OR1J4: variants seen among roughly 807,000 people sequenced by gnomAD.
OR1J4 encodes the protein olfactory receptor 1J4.
For synonymous variants in OR1J4, 154 were observed against 152.6 expected (o/e 1.01, Z -0.07); for missense variants, 350 against 371.1 (o/e 0.94, Z 0.47).
chr9:122,520,055 C>G lies in OR1J4; in HGVS notation c.915C>G (p.Phe305Leu). 6.2e-7 allele frequency: 1 copy of G among 1,613,020 alleles called. No homozygotes were observed. The highest frequency in any genetic ancestry group is 1.1e-5 in the South Asian group (1 of 91,042). Reference sequence around the variant, plus strand: ...TAAAGGGAGCCCTGGAGAGACTCTTCAACAGGGCAACAGTCTTATCTCAAT... The same window carrying G: ...TAAAGGGAGCCCTGGAGAGACTCTTGAACAGGGCAACAGTCTTATCTCAAT... Reference protein sequence around the residue: ...RDIKGALERLFNRATVLSQ With the variant: ...RDIKGALERLLNRATVLSQ The change falls in exon 1 of 1, where the codon TTC (phenylalanine) becomes TTG (leucine). Residue 305 changes from phenylalanine to leucine, a missense_variant. Phe to Leu is a conservative substitution (Grantham distance 22). Coordinates refer to ENST00000340750, the MANE Select transcript of OR1J4 (RefSeq NM_001004452.1).
rs951966054 is a variant in OR1J4, at chr9:122,519,996, A to G, written c.856A>G (p.Asn286Asp). The G allele has an allele frequency of 1.1e-5, 18 of 1,614,052 alleles. No individual in the cohort carries two copies. The African/African-American group carries it at 2.3e-4, about 20-fold the overall frequency. Residue 286 changes from asparagine (N) to aspartate (D), a missense_variant, in exon 1 of 1, where the codon AAT becomes GAT. Physicochemically the swap from Asn to Asp is conservative, Grantham distance 23. Transcript: ENST00000340750. ...VMYTVITPLL[N>D]PFIYSLRNRD... is the part of the protein sequence containing the mutation. ...GTACACGGTGATCACCCCATTGCTG[A>G]ATCCCTTCATTTATAGCCTAAGGAA...
chr9:122,519,251 C>G lies in OR1J4; in HGVS notation c.111C>G (p.Ile37Met). ...CCCTGTTCTTGGGCATGTACCTGAT[C>G]ACGGTGCTGGGGAACCTGCTCATCA... ...FFTLFLGMYL[I>M]TVLGNLLIIL... Residue 37 changes from isoleucine to methionine, a missense_variant, in exon 1 of 1, where the codon ATC becomes ATG. Physicochemically the swap from Ile to Met is conservative, Grantham distance 10. Coordinates refer to ENST00000340750, the MANE Select transcript of OR1J4 (RefSeq NM_001004452.1). 6.2e-7 allele frequency: 1 copy of G among 1,614,056 alleles called. No homozygotes were observed. The highest frequency in any genetic ancestry group is 8.5e-7 in the Non-Finnish European group (1 of 1,180,022).
Position 122,519,791 on chromosome 9 carries a change from T to C in OR1J4, c.651T>C (p.Ser217=), listed in dbSNP as rs772774648. ...TACCACTAATATGCATCTTGATCTC[T>C]TATGGCCACATTGGGGTCACCATCC... ...ITLPLICILI[S]YGHIGVTILK... The change falls in exon 1 of 1, where the codon TCT becomes TCC. Residue 217 remains serine, a synonymous_variant. Transcript: ENST00000340750. The C allele has an allele frequency of 6.2e-6, 10 of 1,614,216 alleles. No individual in the cohort carries two copies. In the South Asian group the frequency reaches 1.1e-4, roughly 18 times the overall value.
chr9:122,519,838 G>C lies in OR1J4; in HGVS notation c.698G>C (p.Gly233Ala), dbSNP rs146362618. ...VTILKAPSTK[G>A]IFKALSTCGS... ...ATCCTCAAGGCTCCATCTACTAAGGGCATCTTCAAAGCTTTGTCCACCTGT... is the reference window on the plus strand; with the variant it reads ...ATCCTCAAGGCTCCATCTACTAAGGCCATCTTCAAAGCTTTGTCCACCTGT... The change falls in exon 1 of 1, where the codon GGC becomes GCC. Residue 233 changes from glycine to alanine, a missense_variant. By Grantham distance (60) the Gly-to-Ala change is moderately conservative. Transcript: ENST00000340750. 2.4e-5 allele frequency: 38 copies of C among 1,613,936 alleles called. No homozygotes were observed. Among genetic ancestry groups the C allele is most frequent in the Middle Eastern group, 1.6e-4 (1 of 6,084 alleles).
chr9:122,519,622 T>C lies in OR1J4; in HGVS notation c.482T>C (p.Leu161Pro), dbSNP rs142867995. The C allele has an allele frequency of 1.4e-5, 22 of 1,614,114 alleles. No individual in the cohort carries two copies. The East Asian group carries it at 4.9e-4, about 36-fold the overall frequency. ...LSCTNALSHT[L>P]LLAQLSFCAD... ...TGTACCAATGCCCTGTCTCACACTC[T>C]CCTCCTGGCCCAGCTGTCCTTTTGT... Residue 161 changes from leucine (L) to proline (P), a missense_variant, in exon 1 of 1, where the codon CTC becomes CCC. Leu to Pro is a moderately conservative substitution (Grantham distance 98, BLOSUM62 -3). Transcript: ENST00000340750.
Position 122,519,759 on chromosome 9 carries a change from A to G in OR1J4, c.619A>G (p.Ile207Val). ...CATTTTCACAGTGGGACAGGCAGTC[A>G]TTACTCTACCACTAATATGCATCTT... ...LVIFTVGQAV[I>V]TLPLICILIS... The change falls in exon 1 of 1, where the codon ATT becomes GTT. Residue 207 changes from isoleucine (I) to valine (V), a missense_variant. Ile to Val is a conservative substitution (Grantham distance 29). Transcript: ENST00000340750. 1 of 1,614,124 alleles carries G rather than the reference A, an allele frequency of 6.2e-7. No individual in the cohort carries two copies. The highest frequency in any genetic ancestry group is 1.3e-5 in the African/African-American group (1 of 75,036).
rs920664352 is a variant in OR1J4 at position 122,519,340 on chromosome 9, CT to C, written c.201del (p.Leu68SerfsTer16). On this transcript the variant is annotated frameshift_variant, in exon 1 of 1. Coordinates refer to ENST00000340750, the MANE Select transcript of OR1J4 (RefSeq NM_001004452.1). LOFTEE classifies it low-confidence loss of function (END_TRUNC). ...TPMFFFLSHL[A>X]LTDISLSSVT... ...ATGTTCTTCTTCCTCAGCCACTTGG[CT>C]CTCACTGACATCTCCCTTTCATCTG... 1 of 1,614,056 alleles carries C rather than the reference CT, an allele frequency of 6.2e-7. No individual in the cohort carries two copies. The highest frequency in any genetic ancestry group is 1.7e-5 in the Admixed American group (1 of 59,998).
In OR1J4 at chr9:122,520,041, C is replaced by G. The variant is rs146110011; in HGVS notation, c.901C>G (p.Leu301Val). Residue 301 changes from leucine (L) to valine (V), a missense_variant, in exon 1 of 1, where the codon CTG becomes GTG. By Grantham distance (32) the Leu-to-Val change is conservative (BLOSUM62 1). Transcript: ENST00000340750. ...SLRNRDIKGA[L>V]ERLFNRATVL... ...AAGGAACAGGGACATAAAGGGAGCC[C>G]TGGAGAGACTCTTCAACAGGGCAAC... is the stretch of plus-strand genomic sequence containing the variant. 13 of 1,614,004 alleles carry G rather than the reference C, an allele frequency of 8.1e-6. No individual in the cohort carries two copies. Among genetic ancestry groups the G allele is most frequent in the Non-Finnish European group, 9.3e-6 (11 of 1,179,936 alleles).
chr9:122,519,866 C>T lies in OR1J4; in HGVS notation c.726C>T (p.Gly242=), dbSNP rs752341240. ...KGIFKALSTC[G]SHLSVVSLYY... ...TCTTCAAAGCTTTGTCCACCTGTGG[C>T]TCTCACCTCTCTGTGGTGTCTCTGT... is the stretch of plus-strand genomic sequence containing the variant. The change falls in exon 1 of 1, where the codon GGC becomes GGT. Residue 242 remains glycine, a synonymous_variant. Transcript: ENST00000340750. The T allele has an allele frequency of 1.2e-6, 2 of 1,614,152 alleles. No individual in the cohort carries two copies. The highest frequency in any genetic ancestry group is 1.1e-5 in the South Asian group (1 of 91,078).
chr9:122,519,378 A>G lies in OR1J4; in HGVS notation c.238A>G (p.Lys80Glu), dbSNP rs368958382. Reference sequence around the variant, plus strand: ...CTCCCTTTCATCTGTCACTGTCCCAAAGATGTTATTAAGCATGCAAACTCA... The same window carrying G: ...CTCCCTTTCATCTGTCACTGTCCCAGAGATGTTATTAAGCATGCAAACTCA... Reference protein sequence around the residue: ...DISLSSVTVPKMLLSMQTQDQ... With the variant: ...DISLSSVTVPEMLLSMQTQDQ... The change falls in exon 1 of 1, where the codon AAG (lysine) becomes GAG (glutamate). Residue 80 changes from lysine (K) to glutamate (E), a missense_variant. Physicochemically the swap from Lys to Glu is moderately conservative, Grantham distance 56. Transcript: ENST00000340750. The G allele has an allele frequency of 2.3e-5, 37 of 1,614,134 alleles. No homozygotes were observed. The African/African-American group carries it at 4.5e-4, about 20-fold the overall frequency.
chr9:122,519,695 C>T lies in OR1J4; in HGVS notation c.555C>T (p.Leu185=). 1 of 1,614,112 alleles carries T rather than the reference C, an allele frequency of 6.2e-7. No homozygotes were observed. The highest frequency in any genetic ancestry group is 8.5e-7 in the Non-Finnish European group (1 of 1,180,006). The change falls in exon 1 of 1, where the codon CTC becomes CTT. Residue 185 remains leucine, a synonymous_variant. Coordinates refer to ENST00000340750, the MANE Select transcript of OR1J4 (RefSeq NM_001004452.1). ...TCTTCTGTGATCTTGTTGCCCTACT[C>T]AAGCTCTCATGCTCAGACATCTCCC... ...PHFFCDLVAL[L]KLSCSDISLN...
Position 122,519,240 on chromosome 9 carries a change from A to C in OR1J4, c.100A>C (p.Met34Leu). ...TGTGTTCTTCACCCTGTTCTTGGGC[A>C]TGTACCTGATCACGGTGCTGGGGAA... is the stretch of plus-strand genomic sequence containing the variant. ...QAVFFTLFLG[M>L]YLITVLGNLL... The change falls in exon 1 of 1, where the codon ATG becomes CTG. Residue 34 changes from methionine (M) to leucine (L), a missense_variant. Physicochemically the swap from Met to Leu is conservative, Grantham distance 15 (BLOSUM62 2). Coordinates refer to ENST00000340750, the MANE Select transcript of OR1J4 (RefSeq NM_001004452.1). 4.3e-6 allele frequency: 7 copies of C among 1,614,040 alleles called. No homozygotes were observed. The highest frequency in any genetic ancestry group is 5.9e-6 in the Non-Finnish European group (7 of 1,180,012).
Position 122,519,972 on chromosome 9 carries a change from T to C in OR1J4, c.832T>C (p.Tyr278His). The C allele has an allele frequency of 6.2e-7, 1 of 1,614,162 alleles. No individual in the cohort carries two copies. Among genetic ancestry groups the C allele is most frequent in the Non-Finnish European group, 8.5e-7 (1 of 1,180,000 alleles). ...CAAGGACGTAATTGCCTCTGTGATG[T>C]ACACGGTGATCACCCCATTGCTGAA... ...SDKDVIASVM[Y>H]TVITPLLNPF... The change falls in exon 1 of 1, where the codon TAC becomes CAC. Residue 278 changes from tyrosine to histidine, a missense_variant. Tyr to His is a moderately conservative substitution (Grantham distance 83). Coordinates refer to ENST00000340750, the MANE Select transcript of OR1J4 (RefSeq NM_001004452.1).
In OR1J4 at chr9:122,519,216, GTGTTCTTCACCC is replaced by G. The variant is rs554360749; in HGVS notation, c.84_95del (p.Phe28_Phe31del). On this transcript the variant is annotated inframe_deletion, in exon 1 of 1. Coordinates refer to ENST00000340750, the MANE Select transcript of OR1J4 (RefSeq NM_001004452.1). Reference sequence around the variant, plus strand: ...CCCCATCTGGCCAGAGCAGCAGGCTGTGTTCTTCACCCTGTTCTTGGGCATGTACCTGATCAC... The same window carrying G: ...CCCCATCTGGCCAGAGCAGCAGGCTGTGTTCTTGGGCATGTACCTGATCAC... 4.1e-4 allele frequency: 664 copies of G among 1,614,090 alleles called. 10 individuals are homozygous for G. The South Asian group carries it at 6.8e-3, about 17-fold the overall frequency.
In OR1J4 at chr9:122,519,538, C is replaced by A; in HGVS notation, c.398C>A (p.Thr133Asn). 1 of 1,614,182 alleles carries A rather than the reference C, an allele frequency of 6.2e-7. No homozygotes were observed. Among genetic ancestry groups the A allele is most frequent in the Middle Eastern group, 1.6e-4 (1 of 6,062 alleles). ...GCCATCTGTCACCCCCTCCGCTACA[C>A]CACTATCATGAAAGAGGGACTGTGT... ...YVAICHPLRY[T>N]TIMKEGLCNL... Residue 133 changes from threonine to asparagine, a missense_variant, in exon 1 of 1, where the codon ACC becomes AAC. Transcript: ENST00000340750.
rs756122548 is a variant in OR1J4, at chr9:122,519,428, G to A, written c.288G>A (p.Gly96=). 2 of 1,614,020 alleles carry A rather than the reference G, an allele frequency of 1.2e-6. No homozygotes were observed. Among genetic ancestry groups the A allele is most frequent in the Non-Finnish European group, 1.7e-6 (2 of 1,180,038 alleles). The change falls in exon 1 of 1, where the codon GGG becomes GGA. Residue 96 remains glycine, a synonymous_variant. Coordinates refer to ENST00000340750, the MANE Select transcript of OR1J4 (RefSeq NM_001004452.1). ...AGGATCAATCCATTCTTTATGCAGG[G>A]TGTGTAACTCAGATGTATTTTTTCA... The part of the protein sequence containing the change: ...QTQDQSILYA[G]CVTQMYFFIF...
rs1228419780 is a variant in OR1J4 at position 122,519,594 on chromosome 9, TC to T, written c.456del (p.Cys153ValfsTer59). 1 of 1,614,108 alleles carries T rather than the reference TC, an allele frequency of 6.2e-7. No individual in the cohort carries two copies. The highest frequency in any genetic ancestry group is 8.5e-7 in the Non-Finnish European group (1 of 1,179,998). On this transcript the variant is annotated frameshift_variant, in exon 1 of 1. Coordinates refer to ENST00000340750, the MANE Select transcript of OR1J4 (RefSeq NM_001004452.1). LOFTEE classifies it low-confidence loss of function (END_TRUNC). ...ACTAGTCACTGTGTCCTGGATCCTC[TC>T]CTGTACCAATGCCCTGTCTCACACT... ...NLLVTVSWIL[S>X]CTNALSHTLL...
At position 122,519,532 on chromosome 9, in the gene OR1J4, G is replaced by A. The variant is rs201486220; in HGVS notation, c.392G>A (p.Arg131His). ...TATGTGGCCATCTGTCACCCCCTCC[G>A]CTACACCACTATCATGAAAGAGGGA... ...DRYVAICHPL[R>H]YTTIMKEGLC... is the part of the protein sequence containing the mutation. Residue 131 changes from arginine to histidine, a missense_variant, in exon 1 of 1, where the codon CGC becomes CAC. Arg to His is a conservative substitution (Grantham distance 29, BLOSUM62 0). Transcript: ENST00000340750. 142 of 1,613,872 alleles carry A rather than the reference G, an allele frequency of 8.8e-5. 2 individuals carry two copies. The South Asian group carries it at 9.2e-4, about 10-fold the overall frequency.
Position 122,519,245 on chromosome 9 carries a change from C to T in OR1J4, c.105C>T (p.Tyr35=). The T allele has an allele frequency of 6.2e-7, 1 of 1,614,060 alleles. No homozygotes were observed. The change falls in exon 1 of 1, where the codon TAC becomes TAT. Residue 35 remains tyrosine (Y), a synonymous_variant. Transcript: ENST00000340750. ...AVFFTLFLGM[Y]LITVLGNLLI... ...TCTTCACCCTGTTCTTGGGCATGTA[C>T]CTGATCACGGTGCTGGGGAACCTGC...
Sources: allele counts gnomAD v4.1 joint callset, GRCh38; gene constraint gnomAD v4.1.1; transcripts MANE v1.5; gene names NCBI Gene and HGNC (gene_info 2026-07-23, HGNC 2026-07-21).